TGFA: variants seen among roughly 807,000 people sequenced by gnomAD.
The protein encoded by TGFA is transforming growth factor alpha.
Under a neutral mutation model 21.7 loss-of-function variants are expected in TGFA, and 12 were observed. The observed-to-expected ratio is 0.55, with a 90% CI of 0.35 to 0.90. The LOEUF is 0.90. TGFA is among the 40% of genes least tolerant of loss of function. The pLI, the probability that TGFA is intolerant of heterozygous loss-of-function variation, is 0.01. For synonymous variants in TGFA, 79 were observed against 88.1 expected, an observed-to-expected ratio of 0.90 and a Z score of 0.58; for missense variants, 178 against 210.8, an observed-to-expected ratio of 0.84 and a Z score of 0.96.
At chr2:70,517,144 TA>T (rs1206059143) in intron 1 of TGFA, among the ~76,000 whole-genome samples, 15 of 152,366 alleles carry the variant, frequency 9.8e-5, no homozygotes, top group African/African-American at 3.6e-4. Context: ...TCGCAGCTGC[TA>T]AACTCACAGA....
chr2:70,528,469 T>G (rs1672708657), intron 1 of TGFA, among the ~76,000 whole-genome samples: 1 of 113,776 alleles, frequency 8.8e-6, no homozygotes, highest in African/African-American at 3.5e-5. Context: ...GAAAGAGGCA[T>G]GGAAAAGGCA....
In TGFA at chr2:70,456,386, G is replaced by T. The variant is rs141582665; in HGVS notation, c.318C>A (p.Val106=). The T allele has an allele frequency of 2.1e-5, 33 of 1,579,016 alleles. No homozygotes were observed. Among genetic ancestry groups the T allele is most frequent in the Non-Finnish European group, 2.7e-5 (31 of 1,162,354 alleles). The part of the protein sequence containing the change: ...KKQAITALVV[V]SIVALAVLII... Reference sequence around the variant, plus strand: ...TAAGGACAGCCAGGGCCACGATGGAGACCACCACCAAGGCGGTGATGGCCT... The same window carrying T: ...TAAGGACAGCCAGGGCCACGATGGATACCACCACCAAGGCGGTGATGGCCT... Residue 106 remains valine, a synonymous_variant, in exon 4 of 6, where the codon GTC becomes GTA. Transcript: ENST00000295400.
intron 1 of TGFA, among the ~76,000 whole-genome samples, chr2:70,544,973 C>G (rs896769147): frequency 6.6e-6 from 1 of 151,596 alleles, no homozygotes; most frequent in East Asian, 1.9e-4. Context: ...GGACTATAGT[C>G]AATAATAATT....
rs538212938 is a variant in TGFA, at chr2:70,527,958, A to G, written c.41-13046T>C. On this transcript the variant is annotated intron_variant, in intron 1 of 5. Transcript: ENST00000295400. ...AGACATTTCTGGAAATGCAGAGGAG[A>G]CACTGCTTAGTCGTGGATGAGCAGC... 1.1e-4 allele frequency among the ~76,000 whole-genome samples: 16 copies of G among 152,340 alleles called. No homozygotes were observed. In the South Asian group the frequency reaches 3.3e-3, roughly 32 times the overall value.
In TGFA at chr2:70,447,794, CCTT is replaced by C. The variant is rs1161663364; in HGVS notation, c.*3062_*3064del. On this transcript the variant is annotated 3_prime_UTR_variant, in exon 6 of 6. Transcript: ENST00000295400. The stretch of plus-strand genomic sequence containing the variant: ...GGTTTTGGGCATTTGAGTCATTCCT[CCTT>C]CTGTGACTGGGCAGGTTGGAAGAGA... 6.6e-6 allele frequency: 1 copy of C among 152,168 alleles called. No individual in the cohort carries two copies. The highest frequency in any genetic ancestry group is 1.5e-5 in the Non-Finnish European group (1 of 68,040). The allele number at this position is 152,168 out of a possible 1,614,324, so 9.4% of individuals were successfully genotyped here.
chr2:70,481,705 T>G (rs1553495560), intron 2 of TGFA, among the ~76,000 whole-genome samples: 3 of 152,220 alleles, frequency 2.0e-5, no homozygotes, highest in African/African-American at 7.2e-5. Flanking sequence ...GCACTGTAAC[T>G]TCTGCCTTGT....
rs554896519 is a variant in TGFA, at chr2:70,547,169, G to C, written c.40+6559C>G. Reference sequence around the variant, plus strand: ...GTTAATATTCCCACAACAATGTGTGGATTATTCATAATAGTGACAAATAGG... The same window carrying C: ...GTTAATATTCCCACAACAATGTGTGCATTATTCATAATAGTGACAAATAGG... On this transcript the variant is annotated intron_variant, in intron 1 of 5. Coordinates refer to ENST00000295400, the MANE Select transcript of TGFA (RefSeq NM_003236.4). 5.2e-4 allele frequency among the ~76,000 whole-genome samples: 79 copies of C among 152,300 alleles called. 1 individual carries two copies. Among genetic ancestry groups the C allele is most frequent in the African/African-American group, 1.8e-3 (74 of 41,564 alleles).
At chr2:70,459,953 C>T (rs923239752) in intron 3 of TGFA, among the ~76,000 whole-genome samples, 14 of 152,182 alleles carry the variant, frequency 9.2e-5, no homozygotes, top group East Asian at 3.8e-4. Context: ...AGAAGAGCTC[C>T]AAGAACAGTG....
intron 1 of TGFA, among the ~76,000 whole-genome samples, chr2:70,537,105 T>G (rs1035457901): frequency 6.7e-6 from 1 of 149,414 alleles, no homozygotes; most frequent in African/African-American, 2.4e-5. Flanking sequence ...TCATTATTAT[T>G]ATAATATCTG....
At chr2:70,460,577 A>G (rs1553491337) in intron 3 of TGFA, among the ~76,000 whole-genome samples, 1 of 152,170 alleles carries the variant, frequency 6.6e-6, no homozygotes, top group African/African-American at 2.4e-5. Context: ...CAGGGCTATG[A>G]GACAGTGGGT....
chr2:70,521,613 G>GTTTT (rs59567780), intron 1 of TGFA, among the ~76,000 whole-genome samples: 30 of 74,032 alleles, frequency 4.1e-4, no homozygotes, highest in African/African-American at 1.1e-3. Flanking sequence ...GTTGTTGTTT[G>GTTTT]TTTGTTTTTT....
At chr2:70,512,464 C>G (rs1672132175) in intron 2 of TGFA, among the ~76,000 whole-genome samples, 1 of 152,182 alleles carries the variant, frequency 6.6e-6, no homozygotes, top group Non-Finnish European at 1.5e-5. Flanking sequence ...CCTCAGGCCC[C>G]CGAGTGGCAC....
In TGFA at chr2:70,456,446, G is replaced by A. The variant is rs2103669171; in HGVS notation, c.258C>T (p.Asp86=). The change falls in exon 4 of 6, where the codon GAC becomes GAT. Residue 86 remains aspartate, a synonymous_variant. Transcript: ENST00000295400. ...GGCTGGCAGCCACCACGGCCAGGAG[G>A]TCCGCATGCTCACAGCGTGCACCAA... The part of the protein sequence containing the change: ...GYVGARCEHA[D]LLAVVAASQK... 6.2e-7 allele frequency: 1 copy of A among 1,607,934 alleles called. No individual in the cohort carries two copies.
At chr2:70,460,011 TC>T (rs1670363916) in intron 3 of TGFA, among the ~76,000 whole-genome samples, 1 of 152,146 alleles carries the variant, frequency 6.6e-6, no homozygotes, top group Admixed American at 6.5e-5. Flanking sequence ...AGTTGGGACC[TC>T]CCCAATCAAA....
chr2:70,453,612 CAGAG>C (rs1191212484), intron 4 of TGFA, among the ~76,000 whole-genome samples: 1 of 152,200 alleles, frequency 6.6e-6, no homozygotes, highest in Admixed American at 6.5e-5. Context: ...CCCCAGCTGT[CAGAG>C]AGAACTGGTC....
rs36084203 is a variant in TGFA, at chr2:70,511,890, TACACACAC to T, written c.94+2961_94+2968del. 7.6e-3 allele frequency among the ~76,000 whole-genome samples: 1,082 copies of T among 143,044 alleles called. 24 individuals are homozygous for T. The highest frequency in any genetic ancestry group is 0.025 in the African/African-American group (973 of 38,936). 93.8% of individuals were successfully genotyped at this position (143,044 alleles called of 152,430 possible). A position where few individuals can be genotyped will look rare whatever the true frequency, so the allele number is the denominator to read the frequency against. ...GAGAGTTTTACTTATTAGTCATGAA[TACACACAC>T]ACACACACACACACACACACACACA... On this transcript the variant is annotated intron_variant, in intron 2 of 5. Transcript: ENST00000295400.
In TGFA at chr2:70,447,643, T is replaced by A. The variant is rs943613705; in HGVS notation, c.*3216A>T. 4 of 152,494 alleles carry A rather than the reference T, an allele frequency of 2.6e-5. No homozygotes were observed. Among genetic ancestry groups the A allele is most frequent in the Non-Finnish European group, 4.4e-5 (3 of 68,040 alleles). 9.4% of individuals were successfully genotyped at this position (152,494 alleles called of 1,614,324 possible). ...AAGAGGAGTTGCTTTTTCAGTACTC[T>A]CTCTCTCTCTGTGTGAACCACTAGA... On this transcript the variant is annotated 3_prime_UTR_variant, in exon 6 of 6. Transcript: ENST00000295400.
intron 2 of TGFA, among the ~76,000 whole-genome samples, chr2:70,496,133 T>TG (rs1195276346): frequency 6.6e-6 from 1 of 152,054 alleles, no homozygotes; most frequent in Non-Finnish European, 1.5e-5. Flanking sequence ...GCCCCGAGAC[T>TG]GGGGGAAGGA....
intron 5 of TGFA, 93 bp from the exon 6 acceptor site, chr2:70,450,959 G>A: frequency 2.7e-6 from 4 of 1,472,164 alleles, no homozygotes; most frequent in Non-Finnish European, 3.7e-6. Flanking sequence ...AGATGGCAGA[G>A]CCAATGTCAC....
Sources: gnomAD v4.1 joint callset for allele counts (sites outside exome capture counted in the v4.1 genomes callset) on GRCh38, gnomAD v4.1.1 for gene constraint, MANE v1.5 for transcripts, NCBI Gene and HGNC (gene_info 2026-07-23, HGNC 2026-07-21) for gene names.